The following TBX5 variants were observed in gnomAD, a reference collection of about 807,000 sequenced individuals.
The protein encoded by TBX5 is T-box transcription factor TBX5.
Under a neutral mutation model 51.1 loss-of-function variants are expected in TBX5, and 8 were observed. The ratio of observed to expected loss-of-function variants is 0.16; its 90% CI spans 0.09 to 0.28. TBX5 has a LOEUF of 0.28. Ranked by LOEUF, TBX5 falls within the 10% of genes least tolerant of loss-of-function variation. The pLI, the probability that TBX5 is intolerant of heterozygous loss-of-function variation, is 1.00. For missense variants in TBX5, 589 were observed against 671.7 expected, an observed-to-expected ratio of 0.88 and a Z score of 1.36; for synonymous variants, 302 against 266.4, an observed-to-expected ratio of 1.13 and a Z score of -1.30.
intron 8 of TBX5, among the ~76,000 whole-genome samples, chr12:114,358,834 C>T (rs1175181965): frequency 6.6e-6 from 1 of 151,812 alleles, no homozygotes; most frequent in African/African-American, 2.4e-5. Context: ...TTGCTATACT[C>T]AGCTTCTTTT....
chr12:114,372,948 GA>G (rs1869992675), intron 7 of TBX5, among the ~76,000 whole-genome samples: 1 of 148,976 alleles, frequency 6.7e-6, no homozygotes, highest in Non-Finnish European at 1.5e-5. Flanking sequence ...AAAATGAAAT[GA>G]TGCATGGAAA....
intron 6 of TBX5, among the ~76,000 whole-genome samples, chr12:114,392,692 A>T (rs868316738): frequency 2.7e-5 from 4 of 146,956 alleles, no homozygotes; most frequent in South Asian, 4.5e-4. Context: ...GTATATACAT[A>T]TATAGGAAGA....
intron 2 of TBX5, among the ~76,000 whole-genome samples, chr12:114,403,162 C>T (rs948354022): frequency 6.6e-6 from 1 of 152,258 alleles, no homozygotes; most frequent in African/African-American, 2.4e-5. Flanking sequence ...TGGTGCCCTC[C>T]GGGCAGAGCT....
rs376621016 is a variant in TBX5, at chr12:114,399,553, G to T, written c.322C>A (p.Pro108Thr). ...TKYILLMDIV[P>T]ADDHRYKFAD... ...AATTTGTATCTGTGATCGTCGGCAG[G>T]TACAATGTCCATGAGAAGAATGTAC... The change falls in exon 4 of 9, where the codon CCT becomes ACT. Residue 108 changes from proline to threonine, a missense_variant. Pro to Thr is a conservative substitution (Grantham distance 38). This residue lies in a region of TBX5 where 85 missense variants were observed against 95.6 expected (regional missense o/e 0.89). Coordinates refer to ENST00000405440, the MANE Select transcript of TBX5 (RefSeq NM_181486.4). 5.6e-6 allele frequency: 9 copies of T among 1,614,128 alleles called. No individual in the cohort carries two copies. The East Asian group carries it at 1.6e-4, about 28-fold the overall frequency.
intron 8 of TBX5, among the ~76,000 whole-genome samples, chr12:114,362,603 C>G (rs1414620054): frequency 6.6e-6 from 1 of 152,204 alleles, no homozygotes; most frequent in Non-Finnish European, 1.5e-5. Context: ...GACTGACACT[C>G]CAGTTTGATA....
upstream of TBX5, chr12:114,408,053 C>A (rs1354835078): frequency 1.1e-5 from 11 of 985,280 alleles, no homozygotes; most frequent in Non-Finnish European, 1.3e-5. Context: ...AAGAGGCAAC[C>A]AGGCGATAGC....
intron 8 of TBX5, among the ~76,000 whole-genome samples, chr12:114,365,304 G>A (rs1455430445): frequency 6.6e-6 from 1 of 151,756 alleles, no homozygotes; most frequent in Non-Finnish European, 1.5e-5. Context: ...CCTGCATCAC[G>A]GCTTGTAATA....
intron 3 of TBX5, among the ~76,000 whole-genome samples, chr12:114,400,900 C>A (rs1020572526): frequency 6.6e-6 from 1 of 152,074 alleles, no homozygotes; most frequent in South Asian, 2.1e-4. Context: ...AGAACGGGGG[C>A]GGGGGGCGTC....
chr12:114,408,136 C>T, upstream of TBX5: 3 of 985,440 alleles, frequency 3.0e-6, no homozygotes, highest in Non-Finnish European at 3.6e-6. Flanking sequence ...CGCGCGCTGT[C>T]ACGTTTGGCT....
At position 114,354,467 on chromosome 12, in the gene TBX5, T is replaced by A. The variant is rs1301842462; in HGVS notation, c.*1065A>T. 1 of 152,214 alleles carries A rather than the reference T, an allele frequency of 6.6e-6. No homozygotes were observed. Among genetic ancestry groups the A allele is most frequent in the African/African-American group, 2.4e-5 (1 of 41,462 alleles). The allele number at this position is 152,214 out of a possible 1,614,324, so 9.4% of individuals were successfully genotyped here. On this transcript the variant is annotated 3_prime_UTR_variant, in exon 9 of 9. Coordinates refer to ENST00000405440, the MANE Select transcript of TBX5 (RefSeq NM_181486.4). ...TGGGCGTGGTTTCTTTGGCGAGATA[T>A]CATTGGTGACTGTGTCTTGCCTCTT...
At position 114,355,528 on chromosome 12, in the gene TBX5, C is replaced by T. The variant is rs745708633; in HGVS notation, c.*4G>A. The T allele has an allele frequency of 5.0e-6, 8 of 1,613,960 alleles. No individual in the cohort carries two copies. The Admixed American group carries it at 6.7e-5, about 13-fold the overall frequency. Reference sequence around the variant, plus strand: ...GAAATGTCTGTTGTGAAGCAGGCCTCACTTTAGCTATTGTCGCTCCACTCT... The same window carrying T: ...GAAATGTCTGTTGTGAAGCAGGCCTTACTTTAGCTATTGTCGCTCCACTCT... On this transcript the variant is annotated 3_prime_UTR_variant, in exon 9 of 9. Coordinates refer to ENST00000405440, the MANE Select transcript of TBX5 (RefSeq NM_181486.4).
At chr12:114,379,225 G>A (rs945430890) in intron 7 of TBX5, among the ~76,000 whole-genome samples, 3 of 152,152 alleles carry the variant, frequency 2.0e-5, no homozygotes, top group Non-Finnish European at 4.4e-5. Context: ...AAATAAAAGT[G>A]CCTCCCTGGT....
Position 114,354,211 on chromosome 12 carries a change from A to T in TBX5, c.*1321T>A, listed in dbSNP as rs1334508975. The T allele has an allele frequency of 6.6e-6, 1 of 152,616 alleles. No homozygotes were observed. Among genetic ancestry groups the T allele is most frequent in the Non-Finnish European group, 1.5e-5 (1 of 68,028 alleles). The allele number at this position is 152,616 out of a possible 1,614,324, so 9.5% of individuals were successfully genotyped here. A position where few individuals can be genotyped will look rare whatever the true frequency, so the allele number is the denominator to read the frequency against. On this transcript the variant is annotated 3_prime_UTR_variant, in exon 9 of 9. Transcript: ENST00000405440. ...TTCGAAAGAGGAAAAAAACAAAAAA[A>T]AACAAAAAAACACAAACTTGGTTTT... is the stretch of plus-strand genomic sequence containing the variant.
chr12:114,401,793 T>C (rs1871827783), intron 3 of TBX5, 33 bp downstream of exon 3: 2 of 1,605,644 alleles, frequency 1.2e-6, no homozygotes, highest in South Asian at 2.2e-5. Flanking sequence ...CAATTTCTCC[T>C]CGTCCCTCTC....
At chr12:114,394,649 G>A in intron 6 of TBX5, 92 bp downstream of exon 6, 1 of 1,576,764 alleles carries the variant, frequency 6.3e-7, no homozygotes, top group East Asian at 2.2e-5. Flanking sequence ...CTGCCATTCA[G>A]AGGAGCAAAG....
upstream of TBX5, chr12:114,408,125 C>A: frequency 1.0e-6 from 1 of 985,442 alleles, no homozygotes; most frequent in African/African-American, 1.7e-5. Context: ...CGCAACCGGC[C>A]CGCGCGCTGT....
At chr12:114,369,874 G>T (rs116445134) in intron 7 of TBX5, among the ~76,000 whole-genome samples, 1 of 151,774 alleles carries the variant, frequency 6.6e-6, no homozygotes, top group Non-Finnish European at 1.5e-5. Flanking sequence ...TCCAGCCACC[G>T]TACTGCTTGA....
chr12:114,405,439 T>C (rs1388418016), intron 1 of TBX5, among the ~76,000 whole-genome samples, 189 bp downstream of exon 1: 1 of 152,126 alleles, frequency 6.6e-6, no homozygotes, highest in Non-Finnish European at 1.5e-5. Context: ...CAAACCTCAA[T>C]GCCGCTCCGC....
chr12:114,402,827 AT>A (rs977241985), intron 2 of TBX5, among the ~76,000 whole-genome samples: 29 of 149,040 alleles, frequency 1.9e-4, no homozygotes, highest in African/African-American at 7.2e-4. Context: ...AAAAAAAAAA[AT>A]CCCTAAGTTT....
Sources: gnomAD v4.1 joint callset for allele counts (sites outside exome capture counted in the v4.1 genomes callset) on GRCh38, gnomAD v4.1.1 for gene constraint, gnomAD v4.1.1 regional missense constraint, MANE v1.5 for transcripts, NCBI Gene and HGNC (gene_info 2026-07-23, HGNC 2026-07-21) for gene names.